The following KCNK17 variants were observed in gnomAD, a reference collection of about 807,000 sequenced individuals.
KCNK17 encodes potassium channel subfamily K member 17.
In KCNK17, 27 loss-of-function variants were observed where a neutral mutation model predicts 24.6. The observed-to-expected ratio is 1.10, with a 90% CI of 0.81 to 1.51. The LOEUF is 1.51. Among genes scored for constraint, KCNK17 ranks in the 40% most tolerant of loss-of-function variants. The pLI, the probability that KCNK17 is intolerant of heterozygous loss-of-function variation, is 0.00. For synonymous variants in KCNK17, 181 were observed against 189.8 expected, an observed-to-expected ratio of 0.95 and a Z score of 0.38; for missense variants, 450 against 436.6, an observed-to-expected ratio of 1.03 and a Z score of -0.27.
At chr6:39,310,662 C>G (rs905228749) in intron 2 of KCNK17, among the ~76,000 whole-genome samples, 2 of 152,122 alleles carry the variant, frequency 1.3e-5, no homozygotes, top group Non-Finnish European at 2.9e-5. Flanking sequence ...TTGTCAAACT[C>G]GAACAGTGCA....
intron 2 of KCNK17, 116 bp from the exon 3 acceptor site, chr6:39,304,771 T>C (rs965881166): frequency 5.3e-6 from 6 of 1,135,132 alleles, no homozygotes; most frequent in Non-Finnish European, 7.7e-6. Context: ...ACTGTAGATG[T>C]GGGCAGCTGA....
At position 39,299,145 on chromosome 6, in the gene KCNK17, T is replaced by G; in HGVS notation, c.*282A>C. On this transcript the variant is annotated 3_prime_UTR_variant, in exon 5 of 5. Transcript: ENST00000373231. ...CTCAAACATTGCCGCTACTTCATGG[T>G]GCCGTATGGCTGCCAGAGCTCCCAG... The G allele has an allele frequency of 2.2e-6, 1 of 450,260 alleles. No individual in the cohort carries two copies. Among genetic ancestry groups the G allele is most frequent in the Non-Finnish European group, 4.0e-6 (1 of 250,950 alleles). 27.9% of individuals were successfully genotyped at this position (450,260 alleles called of 1,614,324 possible).
chr6:39,306,913 T>G (rs1762048353), intron 2 of KCNK17, among the ~76,000 whole-genome samples: 2 of 151,896 alleles, frequency 1.3e-5, no homozygotes, highest in Non-Finnish European at 2.9e-5. Context: ...TACAGACACA[T>G]GCCACCACAC....
chr6:39,300,699 C>T (rs562805743), intron 4 of KCNK17, among the ~76,000 whole-genome samples: 8 of 152,314 alleles, frequency 5.3e-5, no homozygotes, highest in Non-Finnish European at 1.2e-4. Context: ...TTCTGCAGCA[C>T]ACCTCTCCCC....
At chr6:39,308,359 C>T (rs11961984) in intron 2 of KCNK17, among the ~76,000 whole-genome samples, 48,023 of 152,138 alleles carry the variant, frequency 0.32, 8,703 homozygotes, top group African/African-American at 0.51. Context: ...GGCACAATCT[C>T]GGCTCACTGC....
chr6:39,299,365 T>C lies in KCNK17; in HGVS notation c.*62A>G, dbSNP rs1237263034. On this transcript the variant is annotated 3_prime_UTR_variant, in exon 5 of 5. Coordinates refer to ENST00000373231, the MANE Select transcript of KCNK17 (RefSeq NM_031460.4). ...ATGTAGTCTTTAGTTTGGGTGGACA[T>C]GTGCAAAGCTTAAAATCAGGGGTCT... is the stretch of plus-strand genomic sequence containing the variant. 7 of 1,297,022 alleles carry C rather than the reference T, an allele frequency of 5.4e-6. No homozygotes were observed. The highest frequency in any genetic ancestry group is 4.2e-5 in the South Asian group (3 of 72,174). The allele number at this position is 1,297,022 out of a possible 1,614,324, so 80.3% of individuals were successfully genotyped here.
Position 39,302,957 on chromosome 6 carries a change from C to A in KCNK17, c.688+1000G>T, listed in dbSNP as rs1357725096. 2.0e-5 allele frequency among the ~76,000 whole-genome samples: 3 copies of A among 152,030 alleles called. No individual in the cohort carries two copies. In the South Asian group the frequency reaches 6.2e-4, roughly 32 times the overall value. The stretch of plus-strand genomic sequence containing the variant: ...ATTTTATAGGCAGGAACACTGAGGC[C>A]CAGAGAGGAGACATTTTAGGTGGCC... On this transcript the variant is annotated intron_variant, in intron 4 of 4. Coordinates refer to ENST00000373231, the MANE Select transcript of KCNK17 (RefSeq NM_031460.4).
intron 1 of KCNK17, among the ~76,000 whole-genome samples, chr6:39,312,571 A>AT (rs1762158293): frequency 6.6e-6 from 1 of 152,200 alleles, no homozygotes; most frequent in Non-Finnish European, 1.5e-5. Flanking sequence ...AAACAGGATG[A>AT]TAAAAACAGT....
chr6:39,314,183 G>A lies in KCNK17; in HGVS notation c.138C>T (p.Arg46=), dbSNP rs774012245. Residue 46 remains arginine (R), a synonymous_variant, in exon 1 of 5, where the codon CGC becomes CGT. Transcript: ENST00000373231. ...AGCTGCGGCTGGAGTCCTGCGCCGC[G>A]CGGCCCTCCAGCGTCCAGAACACGC... is the stretch of plus-strand genomic sequence containing the variant. ...GTGVFWTLEG[R]AAQDSSRSFQ... is the part of the protein sequence containing the mutation. 1 of 1,556,668 alleles carries A rather than the reference G, an allele frequency of 6.4e-7. No individual in the cohort carries two copies. Among genetic ancestry groups the A allele is most frequent in the South Asian group, 1.2e-5 (1 of 85,240 alleles).
At chr6:39,309,926 C>T (rs1341764191) in intron 2 of KCNK17, among the ~76,000 whole-genome samples, 1 of 152,202 alleles carries the variant, frequency 6.6e-6, no homozygotes, top group Non-Finnish European at 1.5e-5. Context: ...AAGGATTGCC[C>T]AAGCTCCCAT....
At chr6:39,309,421 T>C (rs1762093108) in intron 2 of KCNK17, among the ~76,000 whole-genome samples, 1 of 152,240 alleles carries the variant, frequency 6.6e-6, no homozygotes, top group South Asian at 2.1e-4. Flanking sequence ...CAGTGCCTAG[T>C]ACAAGAAGAC....
In KCNK17 at chr6:39,314,239, C is replaced by A. The variant is rs1256576077; in HGVS notation, c.82G>T (p.Ala28Ser). 1.3e-6 allele frequency: 2 copies of A among 1,537,166 alleles called. No homozygotes were observed. Among genetic ancestry groups the A allele is most frequent in the Non-Finnish European group, 1.7e-6 (2 of 1,146,070 alleles). Residue 28 changes from alanine (A) to serine (S), a missense_variant, in exon 1 of 5, where the codon GCC (alanine) becomes TCC (serine). Ala to Ser is a moderately conservative substitution (Grantham distance 99). Coordinates refer to ENST00000373231, the MANE Select transcript of KCNK17 (RefSeq NM_031460.4). ...CCCAGCGCCAGGTAAGCCAGGTAGG[C>A]GAGCAGCAGGAGCACGGTGCTGGGC... is the stretch of plus-strand genomic sequence containing the variant. ...AVPSTVLLLL[A>S]YLAYLALGTG...
intron 4 of KCNK17, among the ~76,000 whole-genome samples, chr6:39,302,044 C>T (rs984286703): frequency 5.3e-5 from 8 of 152,356 alleles, no homozygotes; most frequent in African/African-American, 1.9e-4. Context: ...CCCTTCCCTC[C>T]TCCAGGCCTC....
intron 1 of KCNK17, among the ~76,000 whole-genome samples, chr6:39,313,381 G>A (rs915948642): frequency 6.6e-6 from 1 of 152,202 alleles, no homozygotes; most frequent in Non-Finnish European, 1.5e-5. Flanking sequence ...AGTAAAGCGG[G>A]TTCAGCCAGA....
At chr6:39,300,890 G>A (rs1417800904) in intron 4 of KCNK17, among the ~76,000 whole-genome samples, 6 of 152,174 alleles carry the variant, frequency 3.9e-5, no homozygotes, top group South Asian at 4.1e-4. Context: ...TACAGACCAC[G>A]TTGGGTTCCT....
intron 4 of KCNK17, among the ~76,000 whole-genome samples, chr6:39,301,607 G>A (rs948852347): frequency 3.3e-5 from 5 of 152,236 alleles, no homozygotes; most frequent in South Asian, 2.1e-4. Context: ...GGGAGGAGGC[G>A]CTCTTCTCCG....
Position 39,314,313 on chromosome 6 carries a change from CG to C in KCNK17, c.7del (p.Arg3AspfsTer75). On this transcript the variant is annotated frameshift_variant, in exon 1 of 5. Coordinates refer to ENST00000373231, the MANE Select transcript of KCNK17 (RefSeq NM_031460.4). LOFTEE classifies it high-confidence loss of function. MYRPRARAAPEGR... is the reference protein window; with the variant it reads MYXPRARAAPEGR... The stretch of plus-strand genomic sequence containing the variant: ...CTCGGGAGCCGCCCGGGCTCGCGGT[CG>C]GTACATAGCGGGAGAGGCGGGGAGC... 16 of 1,419,312 alleles carry C rather than the reference CG, an allele frequency of 1.1e-5. No individual in the cohort carries two copies. Among genetic ancestry groups the C allele is most frequent in the Non-Finnish European group, 1.5e-5 (16 of 1,089,992 alleles). The allele number at this position is 1,419,312 out of a possible 1,614,324, so 87.9% of individuals were successfully genotyped here.
At chr6:39,302,213 G>A (rs1332601600) in intron 4 of KCNK17, among the ~76,000 whole-genome samples, 2 of 152,154 alleles carry the variant, frequency 1.3e-5, no homozygotes, top group African/African-American at 4.8e-5. Context: ...CAACTGCAGT[G>A]GCCGCTGGGC....
rs776959791 is a variant in KCNK17 at position 39,304,060 on chromosome 6, C to T, written c.585G>A (p.Leu195=). The T allele has an allele frequency of 6.2e-7, 1 of 1,613,508 alleles. No homozygotes were observed. Among genetic ancestry groups the T allele is most frequent in the Admixed American group, 1.7e-5 (1 of 60,016 alleles). Reference sequence around the variant, plus strand: ...CCATGTGGGAGAAGAGCAGCGGTGGCAGCAGCAGGAAGAGCAGGAGGCCCG... The same window carrying T: ...CCATGTGGGAGAAGAGCAGCGGTGGTAGCAGCAGGAAGAGCAGGAGGCCCG... ...LLSGLLLFLL[L]PPLLFSHMEG... The change falls in exon 4 of 5, where the codon CTG becomes CTA. Residue 195 remains leucine (L), a synonymous_variant. Coordinates refer to ENST00000373231, the MANE Select transcript of KCNK17 (RefSeq NM_031460.4).
Sources: gnomAD v4.1 joint callset for allele counts (sites outside exome capture counted in the v4.1 genomes callset) on GRCh38, gnomAD v4.1.1 for gene constraint, MANE v1.5 for transcripts, NCBI Gene and HGNC (gene_info 2026-07-23, HGNC 2026-07-21) for gene names.